ZNF638: variants seen among roughly 807,000 people sequenced by gnomAD.
ZNF638 encodes zinc finger protein 638, also known as CTCL tumor antigen se33-1.
In ZNF638, 46 loss-of-function variants were observed where a neutral mutation model predicts 195.6. The observed-to-expected ratio is 0.24, with a 90% CI of 0.19 to 0.30. The LOEUF (loss-of-function observed/expected upper bound fraction) is 0.30. ZNF638 is among the 10% of genes least tolerant of loss of function. ZNF638 has a pLI of 1.00. For synonymous variants in ZNF638, 845 were observed against 772.0 expected (o/e 1.09, Z -1.57); for missense variants, 2,440 against 2,325.3 (o/e 1.05, Z -1.01).
rs192763309 is a variant in ZNF638 at position 71,433,699 on chromosome 2, T to G, written c.5871+416T>G. 2.5e-3 allele frequency: 389 copies of G among 155,806 alleles called. 8 individuals are homozygous for G. Among genetic ancestry groups the G allele is most frequent in the East Asian group, 3.4e-3 (18 of 5,328 alleles). 9.7% of individuals were successfully genotyped at this position (155,806 alleles called of 1,614,324 possible). On this transcript the variant is annotated intron_variant, in intron 27 of 27. Transcript: ENST00000264447. ...CTAAATTGTACACATCTTTAAGAAG[T>G]GTTACTCTGGAGAATCATCATTAAC...
At chr2:71,408,407 A>G in intron 20 of ZNF638, 160 bp downstream of exon 20, 1 of 918,788 alleles carries the variant, frequency 1.1e-6, no homozygotes. Flanking sequence ...AAGCAGTATA[A>G]ATTTGTCTAA....
intron 8 of ZNF638, among the ~76,000 whole-genome samples, chr2:71,377,895 A>G (rs919128386): frequency 6.6e-6 from 1 of 152,224 alleles, no homozygotes; most frequent in African/African-American, 2.4e-5. Context: ...TTGCAAAGCA[A>G]CACATTCTTA....
chr2:71,431,649 A>G (rs973854077), intron 26 of ZNF638, among the ~76,000 whole-genome samples: 2 of 151,670 alleles, frequency 1.3e-5, no homozygotes, highest in Non-Finnish European at 2.9e-5. Context: ...AGTCCAAGCT[A>G]CTCGGGAGGC....
chr2:71,345,495 A>G (rs1399679947), intron 1 of ZNF638, among the ~76,000 whole-genome samples: 1 of 152,156 alleles, frequency 6.6e-6, no homozygotes, highest in Non-Finnish European at 1.5e-5. Context: ...GAACTCAAGC[A>G]GTCCTACCAC....
chr2:71,335,149 G>A (rs1665922154), intron 1 of ZNF638, among the ~76,000 whole-genome samples: 1 of 152,072 alleles, frequency 6.6e-6, no homozygotes, highest in Non-Finnish European at 1.5e-5. Flanking sequence ...CGATGTTCCT[G>A]CCTCAGTCTC....
At chr2:71,430,242 T>C (rs983928871) in intron 25 of ZNF638, among the ~76,000 whole-genome samples, 12 of 152,168 alleles carry the variant, frequency 7.9e-5, no homozygotes, top group Admixed American at 1.3e-4. Context: ...TTAAGATAAA[T>C]GTGCCTTTGG....
At chr2:71,376,086 A>G (rs1470416191) in intron 8 of ZNF638, 1 of 152,244 alleles carries the variant, frequency 6.6e-6, no homozygotes, top group Non-Finnish European at 1.5e-5. Context: ...TCTCTTGGCC[A>G]ACTTTTTGAT....
intron 25 of ZNF638, among the ~76,000 whole-genome samples, chr2:71,429,311 T>TA (rs1324263515): frequency 6.6e-6 from 1 of 152,186 alleles, no homozygotes; most frequent in Non-Finnish European, 1.5e-5. Flanking sequence ...ACTTACCAAG[T>TA]ATGATTTGGT....
At chr2:71,350,697 T>C (rs1450281120) in intron 2 of ZNF638, among the ~76,000 whole-genome samples, 2 of 152,236 alleles carry the variant, frequency 1.3e-5, no homozygotes, top group African/African-American at 2.4e-5. Context: ...GCCTTGCACA[T>C]ATACACCTGT....
At chr2:71,342,858 A>C (rs960581893) in intron 1 of ZNF638, among the ~76,000 whole-genome samples, 2 of 152,156 alleles carry the variant, frequency 1.3e-5, no homozygotes, top group Admixed American at 1.3e-4. Flanking sequence ...TGCGAAGACT[A>C]ATGTTTTAGC....
chr2:71,421,249 G>A lies in ZNF638; in HGVS notation c.3300-1565G>A, dbSNP rs181130826. ...ATATTCATATACCTGCTGTAACTGT[G>A]AATGTCACTGCTCTTTTCTGGTTGT... On this transcript the variant is annotated intron_variant, in intron 21 of 27. Transcript: ENST00000264447. Among the ~76,000 whole-genome samples the A allele has an allele frequency of 2.4e-3, 361 of 152,130 alleles. 1 individual carries two copies. The highest frequency in any genetic ancestry group is 8.4e-3 in the African/African-American group (349 of 41,500).
At chr2:71,363,681 A>T (rs1265818836) in intron 4 of ZNF638, among the ~76,000 whole-genome samples, 2 of 152,250 alleles carry the variant, frequency 1.3e-5, no homozygotes, top group African/African-American at 4.8e-5. Flanking sequence ...TTGGTACAGG[A>T]AAAACCAGAG....
intron 2 of ZNF638, among the ~76,000 whole-genome samples, chr2:71,350,573 A>C (rs2078923135): frequency 6.6e-6 from 1 of 152,236 alleles, no homozygotes; most frequent in South Asian, 2.1e-4. Flanking sequence ...CTGCGTACTT[A>C]CAAGACAATG....
rs766166979 is a variant in ZNF638 at position 71,403,852 on chromosome 2, T to C, written c.2830-18T>C. ...TAACATAAGATTTTTCTTGTTACCTTAATTTCTGTTTTAAAAGGCATATAT... is the reference window on the plus strand; with the variant it reads ...TAACATAAGATTTTTCTTGTTACCTCAATTTCTGTTTTAAAAGGCATATAT... On this transcript the variant is annotated intron_variant, in intron 16 of 27. Coordinates refer to ENST00000264447, the MANE Select transcript of ZNF638 (RefSeq NM_014497.5). The C allele has an allele frequency of 1.3e-6, 2 of 1,497,140 alleles. No homozygotes were observed. The highest frequency in any genetic ancestry group is 1.8e-6 in the Non-Finnish European group (2 of 1,108,746). The allele number at this position is 1,497,140 out of a possible 1,614,324, so 92.7% of individuals were successfully genotyped here.
At chr2:71,373,195 T>C (rs1422373201) in intron 8 of ZNF638, among the ~76,000 whole-genome samples, 1 of 152,196 alleles carries the variant, frequency 6.6e-6, no homozygotes, top group African/African-American at 2.4e-5. Flanking sequence ...ATATCTAGTT[T>C]TAATTTGCAT....
Position 71,375,370 on chromosome 2 carries a change from C to T in ZNF638, c.2266-4852C>T, listed in dbSNP as rs536835745. On this transcript the variant is annotated intron_variant, in intron 8 of 27. Coordinates refer to ENST00000264447, the MANE Select transcript of ZNF638 (RefSeq NM_014497.5). ...AGCTCCATAATATCTTCAGGAACCT[C>T]GCCTTGTCTTCCAGCACTACTGTCT... The T allele has an allele frequency of 3.3e-5, 5 of 152,352 alleles. No homozygotes were observed. In the South Asian group the frequency reaches 6.2e-4, roughly 19 times the overall value. 9.4% of individuals were successfully genotyped at this position (152,352 alleles called of 1,614,324 possible).
In ZNF638 at chr2:71,342,177, C is replaced by T. The variant is rs116005994; in HGVS notation, c.-202-6576C>T. Among the ~76,000 whole-genome samples the T allele has an allele frequency of 7.4e-3, 1,032 of 139,792 alleles. 10 individuals carry two copies. Among genetic ancestry groups the T allele is most frequent in the African/African-American group, 0.027 (991 of 36,458 alleles). 91.7% of individuals were successfully genotyped at this position (139,792 alleles called of 152,430 possible). On this transcript the variant is annotated intron_variant, in intron 1 of 27. Transcript: ENST00000264447. ...TGGAGGTTTCAGTGAGCTGAGGCTGCGTCACTGCACTCCAGCCTGGGTGAC... is the reference window on the plus strand; with the variant it reads ...TGGAGGTTTCAGTGAGCTGAGGCTGTGTCACTGCACTCCAGCCTGGGTGAC...
At chr2:71,398,856 C>A in intron 12 of ZNF638, 84 bp downstream of exon 12, 1 of 1,220,930 alleles carries the variant, frequency 8.2e-7, no homozygotes, top group Non-Finnish European at 1.2e-6. Context: ...GCATCTAATA[C>A]TTGAAGAGTT....
chr2:71,418,816 G>A (rs4438512), intron 21 of ZNF638, among the ~76,000 whole-genome samples, 177 bp downstream of exon 21: 71,033 of 151,844 alleles, frequency 0.47, 18,524 homozygotes, highest in Admixed American at 0.62. Context: ...TAGGAGTTTC[G>A]TTTGTTGCTT....
Sources: gnomAD v4.1 joint callset for allele counts (sites outside exome capture counted in the v4.1 genomes callset) on GRCh38, gnomAD v4.1.1 for gene constraint, MANE v1.5 for transcripts, NCBI Gene and HGNC (gene_info 2026-07-23, HGNC 2026-07-21) for gene names.